The following SGCD variants were observed in gnomAD, a reference collection of about 807,000 sequenced individuals.
SGCD encodes the protein sarcoglycan delta.
SGCD carries 18 observed loss-of-function variants against 36.6 expected under a neutral mutation model. That is an observed-to-expected ratio of 0.49 (90% confidence interval 0.34 to 0.73). SGCD has a LOEUF of 0.73. Ranked by LOEUF, SGCD falls within the 30% of genes least tolerant of loss-of-function variation. The probability of loss-of-function intolerance (pLI) is 0.01; values close to 1 mark genes in which losing one functional copy is unlikely to be tolerated. For missense variants in SGCD, 387 were observed against 346.7 expected (o/e 1.12, Z -0.92); for synonymous variants, 133 against 130.6 (o/e 1.02, Z -0.12).
At chr5:155,741,549 G>C in the SGCD span, among the ~76,000 whole-genome samples, 1 of 152,066 alleles carries the variant, frequency 6.6e-6, no homozygotes, top group Non-Finnish European at 1.5e-5. Flanking sequence ...TTACTCTTAA[G>C]GTCTCTGTTT....
chr5:156,578,731 G>C (rs1760095543), intron 4 of SGCD, among the ~76,000 whole-genome samples: 1 of 152,184 alleles, frequency 6.6e-6, no homozygotes, highest in African/African-American at 2.4e-5. Flanking sequence ...TCTGATGGTA[G>C]TTTGTATTTC....
chr5:156,722,157 C>G (rs955144963), intron 7 of SGCD, among the ~76,000 whole-genome samples: 1 of 152,138 alleles, frequency 6.6e-6, no homozygotes, highest in Non-Finnish European at 1.5e-5. Flanking sequence ...ACTCAGAAGC[C>G]CACAGTGTAG....
chr5:155,860,476 C>A, the SGCD span, among the ~76,000 whole-genome samples: 1 of 152,270 alleles, frequency 6.6e-6, no homozygotes. Context: ...CCTAAATATT[C>A]TCCAGTAGTG....
At chr5:156,188,123 G>A (rs1429657539) in intron 3 of SGCD, among the ~76,000 whole-genome samples, 1 of 152,104 alleles carries the variant, frequency 6.6e-6, no homozygotes, top group Non-Finnish European at 1.5e-5. Context: ...CCTTGCCCTG[G>A]TCTGAGCTTT....
intron 4 of SGCD, among the ~76,000 whole-genome samples, chr5:156,562,986 T>C (rs1759329334): frequency 1.3e-5 from 2 of 152,038 alleles, no homozygotes; most frequent in Non-Finnish European, 2.9e-5. Context: ...TTATTATTAT[T>C]ATTATTTTGA....
Position 156,759,486 on chromosome 5 carries a change from A to T in SGCD, c.*96A>T. ...ATTTTTACTAGAACACAGAAAGCCT[A>T]TCAAAGACCTTGTGTGTATGTGTAC... On this transcript the variant is annotated 3_prime_UTR_variant, in exon 9 of 9. Transcript: ENST00000337851. The T allele has an allele frequency of 1.2e-6, 1 of 839,848 alleles. No individual in the cohort carries two copies. The highest frequency in any genetic ancestry group is 1.9e-6 in the Non-Finnish European group (1 of 533,966). 52.0% of individuals were successfully genotyped at this position (839,848 alleles called of 1,614,324 possible). A position where few individuals can be genotyped will look rare whatever the true frequency, so the allele number is the denominator to read the frequency against.
At chr5:156,609,702 C>G (rs1761684123) in intron 6 of SGCD, among the ~76,000 whole-genome samples, 1 of 152,210 alleles carries the variant, frequency 6.6e-6, no homozygotes. Flanking sequence ...TAGATTTGGT[C>G]TTTTCACATA....
intron 4 of SGCD, among the ~76,000 whole-genome samples, chr5:156,513,902 T>G (rs1024459703): frequency 1.3e-5 from 2 of 152,086 alleles, no homozygotes; most frequent in Non-Finnish European, 2.9e-5. Flanking sequence ...AGAAAAGAGA[T>G]TGAGAAGGAT....
At chr5:156,650,807 C>T (rs1763429693) in intron 7 of SGCD, among the ~76,000 whole-genome samples, 1 of 152,072 alleles carries the variant, frequency 6.6e-6, no homozygotes, top group Non-Finnish European at 1.5e-5. Flanking sequence ...GTGCCTATGT[C>T]ATTTTGATAG....
At chr5:156,190,511 G>A (rs1245364792) in intron 3 of SGCD, among the ~76,000 whole-genome samples, 1 of 151,994 alleles carries the variant, frequency 6.6e-6, no homozygotes, top group African/African-American at 2.4e-5. Context: ...ATCTACTTAG[G>A]GTAAATGAAA....
chr5:155,836,412 C>T, the SGCD span, among the ~76,000 whole-genome samples: 4 of 151,984 alleles, frequency 2.6e-5, no homozygotes, highest in Non-Finnish European at 5.9e-5. Context: ...AAAAACGATT[C>T]TTCAAGGATA....
In SGCD at chr5:156,060,623, T is replaced by A. The variant is rs1307849967; in HGVS notation, c.-281-57255T>A. On this transcript the variant is annotated intron_variant, in intron 1 of 9. Transcript: ENST00000517913. ...GTACCTTCATCAATGCTGGAATATA[T>A]GTTGTTTTGTTGCATAGAAATAGGG... Among the ~76,000 whole-genome samples, 20 of 145,604 alleles carry A rather than the reference T, an allele frequency of 1.4e-4. 1 individual carries two copies. Among genetic ancestry groups the A allele is most frequent in the Non-Finnish European group, 9.3e-5 (6 of 64,672 alleles).
chr5:156,731,765 A>C (rs1186349493), intron 7 of SGCD, among the ~76,000 whole-genome samples: 2 of 152,214 alleles, frequency 1.3e-5, no homozygotes, highest in African/African-American at 4.8e-5. Context: ...TGCTTTGGGC[A>C]GTATGGCTAT....
At chr5:156,409,833 G>A (rs1772646396) in intron 3 of SGCD, among the ~76,000 whole-genome samples, 2 of 151,928 alleles carry the variant, frequency 1.3e-5, no homozygotes, top group Non-Finnish European at 2.9e-5. Flanking sequence ...CTCCTCATTC[G>A]GTTCTTTTTA....
At chr5:155,848,135 G>A in the SGCD span, among the ~76,000 whole-genome samples, 597 of 152,272 alleles carry the variant, frequency 3.9e-3, 5 homozygotes, top group African/African-American at 0.014. Context: ...CTGTTCCAGA[G>A]GGAGGGAGGG....
At chr5:156,735,583 T>C (rs1756313741) in intron 7 of SGCD, among the ~76,000 whole-genome samples, 1 of 151,940 alleles carries the variant, frequency 6.6e-6, no homozygotes, top group African/African-American at 2.4e-5. Flanking sequence ...CCCAGTCAGA[T>C]TGGACTCTCC....
intron 3 of SGCD, among the ~76,000 whole-genome samples, chr5:156,484,002 C>T (rs752001690): frequency 2.6e-4 from 39 of 152,276 alleles, no homozygotes; most frequent in African/African-American, 3.6e-4. Context: ...TTAGTACTTC[C>T]GCTAGTCTGA....
chr5:156,357,446 C>G (rs986206538), intron 3 of SGCD, among the ~76,000 whole-genome samples: 2 of 152,118 alleles, frequency 1.3e-5, no homozygotes, highest in African/African-American at 4.8e-5. Flanking sequence ...AATGAATTTA[C>G]TTGTATAATG....
chr5:156,494,163 A>T (rs992183328), intron 3 of SGCD, among the ~76,000 whole-genome samples: 1 of 152,074 alleles, frequency 6.6e-6, no homozygotes, highest in Non-Finnish European at 1.5e-5. Flanking sequence ...TTGAACATAT[A>T]CAGTGTTCCA....
Sources: allele counts gnomAD v4.1 joint callset (sites outside exome capture counted in the v4.1 genomes callset), GRCh38; gene constraint gnomAD v4.1.1; transcripts MANE v1.5; gene names NCBI Gene and HGNC (gene_info 2026-07-23, HGNC 2026-07-21).